Variants in DYTN observed in about 807,000 individuals in gnomAD.
DYTN encodes the protein dystrotelin.
A neutral mutation model predicts 69.6 loss-of-function variants in DYTN; 75 were observed. The ratio of observed to expected loss-of-function variants is 1.08; its 90% CI spans 0.89 to 1.31. DYTN has a LOEUF of 1.31. DYTN is among the 50% of genes most tolerant of loss of function. DYTN has a pLI of 0.00. For synonymous variants in DYTN, 252 were observed against 249.1 expected (o/e 1.01, Z -0.11); for missense variants, 726 against 688.4 (o/e 1.05, Z -0.61).
At chr2:206,677,213 G>A (rs1238114678) in intron 9 of DYTN, among the ~76,000 whole-genome samples, 1 of 152,158 alleles carries the variant, frequency 6.6e-6, no homozygotes, top group Non-Finnish European at 1.5e-5. Context: ...CTCCTGAAGT[G>A]CTGGGATTAC....
chr2:206,696,511 A>G (rs748413669), intron 7 of DYTN, among the ~76,000 whole-genome samples: 9 of 152,184 alleles, frequency 5.9e-5, no homozygotes, highest in Non-Finnish European at 8.8e-5. Context: ...ATTTTTGTGC[A>G]TGTTCTATGT....
At chr2:206,688,149 G>T (rs564012808) in intron 9 of DYTN, among the ~76,000 whole-genome samples, 2 of 152,278 alleles carry the variant, frequency 1.3e-5, no homozygotes, top group South Asian at 2.1e-4. Flanking sequence ...ACAGGGTTAG[G>T]TTCCTGCAAG....
Position 206,704,870 on chromosome 2 carries a change from C to G in DYTN, c.456G>C (p.Leu152Phe). ...DSGPRMTRRV[L>F]RKLLTDLQQI... ...GCTGTAGATCTGTTAGTAGTTTTCTCAAAACCCTTCGAGTCATGCGTGGCC... is the reference window on the plus strand; with the variant it reads ...GCTGTAGATCTGTTAGTAGTTTTCTGAAAACCCTTCGAGTCATGCGTGGCC... Residue 152 changes from leucine (L) to phenylalanine (F), a missense_variant, in exon 5 of 12, where the codon TTG becomes TTC. Transcript: ENST00000452335. The G allele has an allele frequency of 1.2e-6, 2 of 1,613,690 alleles. No homozygotes were observed. Among genetic ancestry groups the G allele is most frequent in the East Asian group, 4.5e-5 (2 of 44,856 alleles).
At chr2:206,678,517 T>A (rs1209743664) in intron 9 of DYTN, among the ~76,000 whole-genome samples, 1 of 152,214 alleles carries the variant, frequency 6.6e-6, no homozygotes, top group Non-Finnish European at 1.5e-5. Flanking sequence ...AGTGAAGTTT[T>A]AAATTATAGC....
chr2:206,716,593 C>T (rs1413231838), intron 1 of DYTN, among the ~76,000 whole-genome samples: 2 of 151,872 alleles, frequency 1.3e-5, no homozygotes, highest in African/African-American at 2.4e-5. Context: ...GCTTAGTTTT[C>T]AGATAAGATG....
chr2:206,711,822 T>C lies in DYTN; in HGVS notation c.20-1224A>G, dbSNP rs368318305. 3.1e-4 allele frequency among the ~76,000 whole-genome samples: 47 copies of C among 151,896 alleles called. No homozygotes were observed. The East Asian group carries it at 6.0e-3, about 19-fold the overall frequency. ...CATTGTTCAATTCTCTTACCTTTCT[T>C]AAGGACCCACAATTTTAAATTTTTT... On this transcript the variant is annotated intron_variant, in intron 1 of 11. Transcript: ENST00000452335.
chr2:206,660,006 CT>C (rs1342058303), intron 11 of DYTN, among the ~76,000 whole-genome samples: 3 of 78,102 alleles, frequency 3.8e-5, no homozygotes, highest in Non-Finnish European at 5.9e-5. Context: ...AAGATGTGTA[CT>C]TTTTTTCTTG....
intron 1 of DYTN, among the ~76,000 whole-genome samples, chr2:206,711,195 T>A (rs1181879878): frequency 6.6e-6 from 1 of 152,248 alleles, no homozygotes; most frequent in East Asian, 1.9e-4. Context: ...ATTTTCTCTC[T>A]GCTCAATATT....
Position 206,691,490 on chromosome 2 carries a change from A to G in DYTN, c.980+1685T>C, listed in dbSNP as rs77561955. Among the ~76,000 whole-genome samples the G allele has an allele frequency of 5.0e-3, 760 of 152,072 alleles. 7 individuals carry two copies. Among genetic ancestry groups the G allele is most frequent in the Non-Finnish European group, 7.4e-3 (500 of 67,960 alleles). On this transcript the variant is annotated intron_variant, in intron 9 of 11. Coordinates refer to ENST00000452335, the MANE Select transcript of DYTN (RefSeq NM_001093730.1). ...ATTTGGGCAAGATCTCAAGTATCCA[A>G]TATATATATAGATGATTAACATTTT... is the stretch of plus-strand genomic sequence containing the variant.
intron 9 of DYTN, among the ~76,000 whole-genome samples, chr2:206,685,331 T>A (rs868526316): frequency 1.5e-4 from 23 of 152,010 alleles, no homozygotes; most frequent in South Asian, 4.2e-4. Flanking sequence ...CCAGATAATT[T>A]TTAATTTTTT....
At chr2:206,663,476 A>T in intron 10 of DYTN, 81 bp from the exon 11 acceptor site, 2 of 1,414,606 alleles carry the variant, frequency 1.4e-6, no homozygotes. Context: ...CAACATTCCA[A>T]CAGAACATTC....
At chr2:206,707,548 A>G (rs1307253836) in intron 2 of DYTN, 45 bp from the exon 3 acceptor site, 1 of 1,545,658 alleles carries the variant, frequency 6.5e-7, no homozygotes, top group Non-Finnish European at 8.8e-7. Context: ...TCTGATGGGA[A>G]CAAAAGGCTT....
At chr2:206,693,623 C>T (rs1010483639) in intron 8 of DYTN, among the ~76,000 whole-genome samples, 1 of 152,154 alleles carries the variant, frequency 6.6e-6, no homozygotes, top group Non-Finnish European at 1.5e-5. Context: ...TGTGGTTGCT[C>T]ACATTTAGGG....
chr2:206,683,787 C>G (rs189461690), intron 9 of DYTN, among the ~76,000 whole-genome samples: 5 of 152,190 alleles, frequency 3.3e-5, no homozygotes, highest in Non-Finnish European at 7.4e-5. Context: ...CCACTTGGTG[C>G]TGGCTGTCTC....
At chr2:206,697,222 A>G (rs2105898635) in intron 7 of DYTN, among the ~76,000 whole-genome samples, 1 of 152,278 alleles carries the variant, frequency 6.6e-6, no homozygotes, top group South Asian at 2.1e-4. Flanking sequence ...GGTATATGAG[A>G]ATGGTTATTG....
At chr2:206,687,557 T>A (rs1699824912) in intron 9 of DYTN, among the ~76,000 whole-genome samples, 1 of 152,210 alleles carries the variant, frequency 6.6e-6, no homozygotes, top group South Asian at 2.1e-4. Flanking sequence ...TGCTATCATA[T>A]ATATCTGTCT....
Position 206,700,184 on chromosome 2 carries a change from CAG to C in DYTN, c.514_515del (p.Leu172ValfsTer31). On this transcript the variant is annotated frameshift_variant, in exon 6 of 12. Transcript: ENST00000452335. LOFTEE classifies it high-confidence loss of function. ...TGCGGGTGGCACTTTCCACAGGGCA[CAG>C]AGCACGACTCTCTCCCACGAAAGTT... ...IPTFVGESRA[L>X]CPVESATRSC... The C allele has an allele frequency of 6.2e-7, 1 of 1,613,948 alleles. No homozygotes were observed. The highest frequency in any genetic ancestry group is 8.5e-7 in the Non-Finnish European group (1 of 1,179,826).
chr2:206,699,725 A>G lies in DYTN; in HGVS notation c.719+2T>C, dbSNP rs369174416. On this transcript the variant is annotated splice_donor_variant, in intron 7 of 11. Coordinates refer to ENST00000452335, the MANE Select transcript of DYTN (RefSeq NM_001093730.1). LOFTEE classifies it high-confidence loss of function. ...TCCAAGAAATGCTGCTGATGACTGT[A>G]CCTGAGTCCCGTGATTGGGAAAGTC... 3 of 1,612,204 alleles carry G rather than the reference A, an allele frequency of 1.9e-6. No individual in the cohort carries two copies. The South Asian group carries it at 3.3e-5, about 18-fold the overall frequency.
rs1480759422 is a variant in DYTN at position 206,671,765 on chromosome 2, C to T, written c.981-5736G>A. The stretch of plus-strand genomic sequence containing the variant: ...AGAAAATCTTTAAAAGAATTTCTTG[C>T]ACCAGTATTATGTGGTACATATTTT... On this transcript the variant is annotated intron_variant, in intron 9 of 11. Coordinates refer to ENST00000452335, the MANE Select transcript of DYTN (RefSeq NM_001093730.1). Among the ~76,000 whole-genome samples, 3 of 152,124 alleles carry T rather than the reference C, an allele frequency of 2.0e-5. 1 individual carries two copies. The South Asian group carries it at 6.2e-4, about 31-fold the overall frequency.
Sources: allele counts gnomAD v4.1 joint callset (sites outside exome capture counted in the v4.1 genomes callset), GRCh38; gene constraint gnomAD v4.1.1; transcripts MANE v1.5; gene names NCBI Gene and HGNC (gene_info 2026-07-23, HGNC 2026-07-21).